The following NRXN1 variants were observed in gnomAD, a reference collection of about 807,000 sequenced individuals.
NRXN1 encodes the protein neurexin-1.
A neutral mutation model predicts 150.9 loss-of-function variants in NRXN1; 39 were observed. That is an observed-to-expected ratio of 0.26 (90% CI 0.20 to 0.34). The LOEUF (loss-of-function observed/expected upper bound fraction) is 0.34, where lower values mean the gene tolerates loss of function less well. Ranked by LOEUF, NRXN1 falls within the 10% of genes least tolerant of loss-of-function variation. The pLI, the probability that NRXN1 is intolerant of heterozygous loss-of-function variation, is 1.00. For missense variants in NRXN1, 1,815 were observed against 1,949.9 expected, an observed-to-expected ratio of 0.93 and a Z score of 1.30; for synonymous variants, 924 against 757.0, an observed-to-expected ratio of 1.22 and a Z score of -3.62.
intron 17 of NRXN1, among the ~76,000 whole-genome samples, chr2:50,290,661 G>C (rs550538326): frequency 6.6e-6 from 1 of 152,276 alleles, no homozygotes; most frequent in African/African-American, 2.4e-5. Flanking sequence ...CTGTACAGCA[G>C]AGAGGACTGG....
At chr2:50,395,759 C>G (rs2082014666) in intron 17 of NRXN1, among the ~76,000 whole-genome samples, 1 of 152,112 alleles carries the variant, frequency 6.6e-6, no homozygotes, top group South Asian at 2.1e-4. Context: ...TCAGAGAAGA[C>G]AAAACTAAGT....
rs144593496 is a variant in NRXN1 at position 50,265,300 on chromosome 2, A to G, written c.3365-28330T>C. Among the ~76,000 whole-genome samples the G allele has an allele frequency of 2.1e-4, 32 of 152,208 alleles. 1 individual carries two copies. Among genetic ancestry groups the G allele is most frequent in the African/African-American group, 6.7e-4 (28 of 41,544 alleles). On this transcript the variant is annotated intron_variant, in intron 17 of 22. Transcript: ENST00000401669. ...GATCTTGAATTCCCAGAAACAAGCA[A>G]CTTCCTGTTAATTAATCCTAGCAAG...
chr2:50,738,333 G>T (rs1355680647), intron 5 of NRXN1, among the ~76,000 whole-genome samples: 1 of 152,184 alleles, frequency 6.6e-6, no homozygotes, highest in Non-Finnish European at 1.5e-5. Flanking sequence ...TTTGCTGGAA[G>T]TAGCAGTTGT....
chr2:50,282,188 A>G (rs114218258), intron 17 of NRXN1, among the ~76,000 whole-genome samples: 1 of 152,206 alleles, frequency 6.6e-6, no homozygotes, highest in Admixed American at 6.5e-5. Context: ...TAGAGCCTGT[A>G]TCATAAAGAG....
chr2:50,654,416 A>C (rs890033304), intron 5 of NRXN1, among the ~76,000 whole-genome samples: 24 of 151,532 alleles, frequency 1.6e-4, no homozygotes, highest in Non-Finnish European at 2.9e-5. Context: ...CATTTTCTTA[A>C]TCTAGTCTAT....
chr2:50,465,727 T>C (rs1201060058), intron 16 of NRXN1, among the ~76,000 whole-genome samples, 166 bp from the exon 17 acceptor site: 1 of 151,916 alleles, frequency 6.6e-6, no homozygotes, highest in Non-Finnish European at 1.5e-5. Flanking sequence ...GAGGCTGTAA[T>C]ATGAAGGTTT....
intron 5 of NRXN1, among the ~76,000 whole-genome samples, chr2:50,815,177 C>T (rs1362510901): frequency 6.6e-6 from 1 of 151,966 alleles, no homozygotes; most frequent in East Asian, 1.9e-4. Context: ...TGTTCCTTCT[C>T]ATGACAACAA....
chr2:50,551,065 AGAAGAAGAAGAGGAG>A (rs1558922405), intron 9 of NRXN1, among the ~76,000 whole-genome samples: 3 of 129,420 alleles, frequency 2.3e-5, no homozygotes, highest in African/African-American at 9.0e-5. Flanking sequence ...AAGAAGAAGA[AGAAGAAGAAGAGGAG>A]GAGGAGGAGG....
chr2:50,749,375 C>CT (rs951563772), intron 5 of NRXN1, among the ~76,000 whole-genome samples: 13 of 151,994 alleles, frequency 8.6e-5, no homozygotes, highest in Admixed American at 3.3e-4. Context: ...GAATCCCATT[C>CT]TTTTTTCCCA....
chr2:50,609,021 A>C (rs1478562058), intron 8 of NRXN1, among the ~76,000 whole-genome samples: 1 of 152,142 alleles, frequency 6.6e-6, no homozygotes, highest in Non-Finnish European at 1.5e-5. Context: ...GTCATCATTT[A>C]GGATAGCAAA....
intron 5 of NRXN1, among the ~76,000 whole-genome samples, chr2:50,721,954 A>G (rs903489375): frequency 1.2e-4 from 18 of 152,122 alleles, no homozygotes; most frequent in Admixed American, 7.9e-4. Flanking sequence ...TTGAATTGTG[A>G]TTTTTGCATT....
intron 5 of NRXN1, among the ~76,000 whole-genome samples, chr2:50,761,174 AT>A (rs952840028): frequency 2.0e-5 from 3 of 149,890 alleles, no homozygotes; most frequent in African/African-American, 7.4e-5. Flanking sequence ...GGTTTATTTT[AT>A]TTTTTATATG....
chr2:51,012,272 A>T (rs1223020813), intron 2 of NRXN1, among the ~76,000 whole-genome samples: 17 of 152,014 alleles, frequency 1.1e-4, no homozygotes, highest in Admixed American at 1.1e-3. Flanking sequence ...CTTAGTGCAA[A>T]CTGTTTTATT....
At chr2:50,078,240 A>C (rs1697380945) in intron 19 of NRXN1, among the ~76,000 whole-genome samples, 1 of 152,056 alleles carries the variant, frequency 6.6e-6, no homozygotes, top group African/African-American at 2.4e-5. Flanking sequence ...AACATGTCAA[A>C]ATTTTTTTTA....
chr2:50,623,521 A>G lies in NRXN1; in HGVS notation c.927T>C (p.Thr309=). ...TCCTCTGAAGGGTTTTAAATGACAG[A>G]GTTATTTCATCACTGCTGCTTTGAA... ...NPIQSSSDEI[T]LSFKTLQRNG... The change falls in exon 6 of 23, where the codon ACT becomes ACC. Residue 309 remains threonine (T), a synonymous_variant. Transcript: ENST00000401669. The G allele has an allele frequency of 6.2e-7, 1 of 1,612,818 alleles. No homozygotes were observed. Among genetic ancestry groups the G allele is most frequent in the Non-Finnish European group, 8.5e-7 (1 of 1,178,960 alleles).
chr2:50,606,606 CAATAAT>C (rs3053107), intron 8 of NRXN1, among the ~76,000 whole-genome samples: 18 of 146,948 alleles, frequency 1.2e-4, no homozygotes, highest in East Asian at 4.0e-4. Context: ...GCTGCTCATA[CAATAAT>C]AATAATAATA....
At chr2:51,030,668 C>T (rs1671385998) in intron 1 of NRXN1, among the ~76,000 whole-genome samples, 1 of 152,066 alleles carries the variant, frequency 6.6e-6, no homozygotes, top group Admixed American at 6.5e-5. Context: ...ACACCATCAG[C>T]AATCACCAGT....
chr2:50,289,202 T>C (rs1333526593), intron 17 of NRXN1, among the ~76,000 whole-genome samples: 2 of 152,134 alleles, frequency 1.3e-5, no homozygotes, highest in Non-Finnish European at 2.9e-5. Context: ...TGTGTAAATC[T>C]GTAGAGCCCC....
intron 21 of NRXN1, chr2:49,945,015 G>A (rs564271157): frequency 2.6e-5 from 4 of 152,082 alleles, no homozygotes; most frequent in Non-Finnish European, 4.4e-5. Flanking sequence ...TTTATAGAAA[G>A]TATTAGGCTT....
Sources: gnomAD v4.1 joint callset for allele counts (sites outside exome capture counted in the v4.1 genomes callset) on GRCh38, gnomAD v4.1.1 for gene constraint, MANE v1.5 for transcripts, NCBI Gene and HGNC (gene_info 2026-07-23, HGNC 2026-07-21) for gene names.